The following GRK1 variants were observed in gnomAD, a reference collection of about 807,000 sequenced individuals.
GRK1 encodes G protein-coupled receptor kinase 1, also known as rhodopsin kinase GRK1.
A neutral mutation model predicts 41.7 loss-of-function variants in GRK1; 28 were observed. The observed-to-expected ratio is 0.67, with a 90% confidence interval of 0.50 to 0.92. The LOEUF (loss-of-function observed/expected upper bound fraction) is 0.92, where lower values mean the gene tolerates loss of function less well. Among genes scored for constraint, GRK1 ranks in the 40% least tolerant of loss-of-function variants. The pLI is 0.00. For missense variants in GRK1, 703 were observed against 671.2 expected, an observed-to-expected ratio of 1.05 and a Z score of -0.52; for synonymous variants, 327 against 286.7, an observed-to-expected ratio of 1.14 and a Z score of -1.42.
At chr13:113,653,036 C>A in the GRK1 span, 3 of 1,613,328 alleles carry the variant, frequency 1.9e-6, no homozygotes, top group Non-Finnish European at 2.5e-6. Context: ...CTCGGAGGTG[C>A]AGTTGATGCT....
chr13:113,650,180 A>AG, the GRK1 span, among the ~76,000 whole-genome samples: 3 of 152,254 alleles, frequency 2.0e-5, no homozygotes, highest in East Asian at 5.8e-4. The surrounding 1 kb of genome is among the most constrained non-coding windows in gnomAD (Gnocchi z 5.0). Context: ...AAAAAAAAAA[A>AG]AAAAGTTGAA....
chr13:113,734,745 C>T (rs767638217), intron 6 of GRK1: 7 of 228,238 alleles, frequency 3.1e-5, no homozygotes, highest in Non-Finnish European at 5.1e-5. Flanking sequence ...GGGAGGAGAC[C>T]GCTTCATGAC....
upstream of GRK1, among the ~76,000 whole-genome samples, chr13:113,664,260 G>C (rs1474024777): frequency 6.6e-6 from 1 of 152,172 alleles, no homozygotes; most frequent in Non-Finnish European, 1.5e-5. The surrounding 1 kb of genome is among the most constrained non-coding windows in gnomAD (Gnocchi z 5.4). Context: ...GCACAGGAGG[G>C]TCCCGTGGAT....
the GRK1 span, chr13:113,651,736 G>A: frequency 6.2e-7 from 1 of 1,613,472 alleles, no homozygotes; most frequent in Non-Finnish European, 8.5e-7. Flanking sequence ...ATCTAGAAGG[G>A]AAAAGCTTGA....
the GRK1 span, chr13:113,652,885 A>C: frequency 5.1e-5 from 82 of 1,613,884 alleles, no homozygotes; most frequent in East Asian, 1.7e-3. Flanking sequence ...TGTTCATTTT[A>C]ATAATAAAAC....
the GRK1 span, among the ~76,000 whole-genome samples, chr13:113,651,217 G>A: frequency 2.0e-5 from 3 of 152,210 alleles, no homozygotes; most frequent in Non-Finnish European, 2.9e-5. Context: ...TTTAAAAAAT[G>A]TTGACTTAAA....
At chr13:113,664,359 C>T (rs1008425501), upstream of GRK1, among the ~76,000 whole-genome samples, 5 of 152,132 alleles carry the variant, frequency 3.3e-5, no homozygotes, top group Non-Finnish European at 7.4e-5. This position sits in a 1 kb window ranked among gnomAD's most constrained non-coding sequence, Gnocchi z 5.4. Flanking sequence ...GTTAAGGGTA[C>T]ACAGGATCTC....
At chr13:113,661,996 C>A in the GRK1 span, among the ~76,000 whole-genome samples, 4 of 152,212 alleles carry the variant, frequency 2.6e-5, no homozygotes, top group African/African-American at 9.6e-5. Context: ...ACCTTTATAA[C>A]AAAATCAGAC....
chr13:113,661,316 T>C, the GRK1 span, among the ~76,000 whole-genome samples: 1 of 151,984 alleles, frequency 6.6e-6, no homozygotes, highest in Non-Finnish European at 1.5e-5. Flanking sequence ...AAATACACCA[T>C]ATAAGAACTC....
At chr13:113,650,509 T>TG in the GRK1 span, 1 of 1,609,442 alleles carries the variant, frequency 6.2e-7, no homozygotes, top group Non-Finnish European at 8.5e-7. The surrounding 1 kb of genome is among the most constrained non-coding windows in gnomAD (Gnocchi z 5.0). Flanking sequence ...GGGCTGGTCC[T>TG]GGGGAGGAGA....
At chr13:113,729,387 G>A (rs139330005) in intron 4 of GRK1, among the ~76,000 whole-genome samples, 414 of 152,350 alleles carry the variant, frequency 2.7e-3, no homozygotes, top group African/African-American at 8.2e-3. Flanking sequence ...AGATACTCTC[G>A]TGGACAGAGC....
At chr13:113,733,721 GTGTGCGCGCGTGTGTA>G (rs1351086430) in intron 6 of GRK1, among the ~76,000 whole-genome samples, 25 of 146,504 alleles carry the variant, frequency 1.7e-4, no homozygotes, top group Non-Finnish European at 3.5e-4. Context: ...GCGCACGTGT[GTGTGCGCGCGTGTGTA>G]TGTGTGCATA....
At chr13:113,664,965 C>T (rs145351994), upstream of GRK1, among the ~76,000 whole-genome samples, 57 of 152,336 alleles carry the variant, frequency 3.7e-4, 1 homozygote, top group East Asian at 5.2e-3. The surrounding 1 kb of genome is among the most constrained non-coding windows in gnomAD (Gnocchi z 5.4). Context: ...ATATCACTCA[C>T]CTCAAATATT....
intron 4 of GRK1, among the ~76,000 whole-genome samples, chr13:113,727,164 C>T (rs976899170): frequency 5.9e-5 from 9 of 152,250 alleles, no homozygotes; most frequent in Non-Finnish European, 1.5e-5. Context: ...GGCTCGGGGG[C>T]CAGGCAGGTG....
chr13:113,732,320 G>A (rs568407462), intron 5 of GRK1, among the ~76,000 whole-genome samples: 6 of 152,246 alleles, frequency 3.9e-5, no homozygotes, highest in South Asian at 2.1e-4. Context: ...GAGCAGAGTC[G>A]TCCCAGGACC....
chr13:113,723,413 G>A (rs1338363795), intron 4 of GRK1, among the ~76,000 whole-genome samples: 1 of 152,130 alleles, frequency 6.6e-6, no homozygotes, highest in African/African-American at 2.4e-5. Context: ...GCCTCAGGAG[G>A]TCCTGATGAC....
At position 113,723,444 on chromosome 13, in the gene GRK1, G is replaced by T. The variant is rs532687087; in HGVS notation, c.1069+287G>T. 2.3e-3 allele frequency among the ~76,000 whole-genome samples: 348 copies of T among 152,058 alleles called. 1 individual carries two copies. Among genetic ancestry groups the T allele is most frequent in the African/African-American group, 8.1e-3 (336 of 41,432 alleles). On this transcript the variant is annotated intron_variant, in intron 4 of 6. Coordinates refer to ENST00000335678, the MANE Select transcript of GRK1 (RefSeq NM_002929.3). ...ATGACAGGTGGTCGCCGCACAGTTT[G>T]GTTTTACACATTTTAGGGAGCCATG...
the GRK1 span, among the ~76,000 whole-genome samples, chr13:113,655,668 AT>A: frequency 6.8e-6 from 1 of 146,654 alleles, no homozygotes; most frequent in Non-Finnish European, 1.5e-5. Context: ...CGCAGGAGGC[AT>A]TTGCAGGGAG....
chr13:113,656,945 C>T, the GRK1 span, among the ~76,000 whole-genome samples: 1,383 of 152,308 alleles, frequency 9.1e-3, 18 homozygotes, highest in African/African-American at 0.031. Flanking sequence ...TCTGCCGCCC[C>T]GCCTGGCCCA....
Sources: allele counts gnomAD v4.1 joint callset (sites outside exome capture counted in the v4.1 genomes callset), GRCh38; gene constraint gnomAD v4.1.1; non-coding constraint Gnocchi (gnomAD v3.1); transcripts MANE v1.5; gene names NCBI Gene and HGNC (gene_info 2026-07-23, HGNC 2026-07-21).